WRN: variants seen among roughly 807,000 people sequenced by gnomAD.
WRN encodes the protein bifunctional 3'-5' exonuclease/ATP-dependent helicase WRN.
In WRN, 149 loss-of-function variants were observed where a neutral mutation model predicts 180.7. The observed-to-expected ratio is 0.82, with a 90% CI of 0.72 to 0.94. The LOEUF (loss-of-function observed/expected upper bound fraction) is 0.94. Ranked by LOEUF, WRN falls within the 40% of genes least tolerant of loss-of-function variation. The pLI is 0.00. For missense variants in WRN, 1,661 were observed against 1,700.1 expected (o/e 0.98, Z 0.40); for synonymous variants, 548 against 568.9 (o/e 0.96, Z 0.52).
intron 20 of WRN, among the ~76,000 whole-genome samples, chr8:31,117,421 A>G (rs887348959): frequency 6.6e-6 from 1 of 152,200 alleles, no homozygotes; most frequent in African/African-American, 2.4e-5. Context: ...GAGAAACTGA[A>G]GAAGGGAAAG....
chr8:31,128,913 A>G (rs1431531512), intron 23 of WRN, among the ~76,000 whole-genome samples: 1 of 152,130 alleles, frequency 6.6e-6, no homozygotes, highest in Non-Finnish European at 1.5e-5. Context: ...AAACAAAAAA[A>G]CTATGTATTA....
intron 34 of WRN, 67 bp from the exon 35 acceptor site, chr8:31,172,928 T>C: frequency 6.8e-7 from 1 of 1,464,208 alleles, no homozygotes; most frequent in Non-Finnish European, 9.5e-7. Flanking sequence ...TATGTTACTT[T>C]TTTGCAACTA....
intron 8 of WRN, among the ~76,000 whole-genome samples, chr8:31,076,822 T>C (rs991775327): frequency 2.6e-5 from 4 of 152,198 alleles, no homozygotes; most frequent in Non-Finnish European, 4.4e-5. Context: ...GATTCTTTTA[T>C]GGTTAAAGCA....
Position 31,141,738 on chromosome 8 carries a change from A to G in WRN, c.3196A>G (p.Asn1066Asp), listed in dbSNP as rs760392886. The G allele has an allele frequency of 1.2e-6, 2 of 1,614,134 alleles. No homozygotes were observed. The highest frequency in any genetic ancestry group is 1.7e-6 in the Non-Finnish European group (2 of 1,180,018). ...TESQSLILQANEELCPKKLLL... is the reference protein window; with the variant it reads ...TESQSLILQADEELCPKKLLL... Reference sequence around the variant, plus strand: ...ATCTCAGAGCCTCATCCTTCAAGCTAATGAAGAATTGTGTCCAAAGAAGTT... The same window carrying G: ...ATCTCAGAGCCTCATCCTTCAAGCTGATGAAGAATTGTGTCCAAAGAAGTT... The change falls in exon 26 of 35, where the codon AAT (asparagine) becomes GAT (aspartate). Residue 1066 changes from asparagine (N) to aspartate (D), a missense_variant. Around this residue, in one of 3 missense-constraint regions of WRN, gnomAD observed 1,141 missense variants for 1,149.4 expected, o/e 0.99. Transcript: ENST00000298139.
intron 33 of WRN, among the ~76,000 whole-genome samples, chr8:31,162,221 A>G (rs1252505868): frequency 6.6e-6 from 1 of 152,242 alleles, no homozygotes; most frequent in East Asian, 1.9e-4. Context: ...GTACAGCTAT[A>G]CAAATATATT....
chr8:31,059,013 A>G, intron 2 of WRN, 140 bp from the exon 3 acceptor site: 1 of 722,604 alleles, frequency 1.4e-6, no homozygotes, highest in Non-Finnish European at 2.4e-6. Flanking sequence ...AGTTTTCTTT[A>G]TGACTTCATT....
chr8:31,065,058 A>G lies in WRN; in HGVS notation c.499A>G (p.Lys167Glu), dbSNP rs749679346. The G allele has an allele frequency of 1.3e-5, 21 of 1,612,760 alleles. No individual in the cohort carries two copies. Among genetic ancestry groups the G allele is most frequent in the South Asian group, 3.3e-5 (3 of 90,922 alleles). ...NFVELTDVANKKLKCTETWSL... is the reference protein window; with the variant it reads ...NFVELTDVANEKLKCTETWSL... ...TGTGGAGTTGACAGATGTTGCCAAT[A>G]AAAAGGTAAAAGCAATATATATATA... The change falls in exon 5 of 35, where the codon AAA becomes GAA. Residue 167 changes from lysine (K) to glutamate (E), a missense_variant. Lys to Glu is a moderately conservative substitution (Grantham distance 56). This residue lies in a region of WRN where 500 missense variants were observed against 504.1 expected (regional missense o/e 0.99). Transcript: ENST00000298139.
At chr8:31,131,151 TGCAAC>T in intron 23 of WRN, among the ~76,000 whole-genome samples, 1 of 132,352 alleles carries the variant, frequency 7.6e-6, no homozygotes, top group Admixed American at 8.0e-5. Flanking sequence ...GGAACCAAAT[TGCAAC>T]TTTCTTTTTT....
At chr8:31,132,302 T>G in intron 23 of WRN, 63 bp from the exon 24 acceptor site, 1 of 1,567,882 alleles carries the variant, frequency 6.4e-7, no homozygotes, top group Non-Finnish European at 8.6e-7. Flanking sequence ...ATGCTAAATC[T>G]TTTGATTTCT....
chr8:31,052,725 C>CA (rs1812123054), intron 1 of WRN, among the ~76,000 whole-genome samples: 2 of 152,164 alleles, frequency 1.3e-5, no homozygotes, highest in South Asian at 4.2e-4. Flanking sequence ...ATTATAAGAA[C>CA]ATTATTTTTA....
chr8:31,058,274 A>T (rs1288405202), intron 1 of WRN, 98 bp from the exon 2 acceptor site: 3 of 592,334 alleles, frequency 5.1e-6, no homozygotes, highest in Non-Finnish European at 3.0e-6. Context: ...TTGTTTTGTG[A>T]TTCTAGCTCT....
At chr8:31,066,001 C>T (rs778444127) in intron 5 of WRN, among the ~76,000 whole-genome samples, 3 of 151,264 alleles carry the variant, frequency 2.0e-5, no homozygotes, top group Non-Finnish European at 2.9e-5. Flanking sequence ...GCCTCAGGCT[C>T]CTGAGTAGCT....
At chr8:31,172,648 C>T (rs1219260866) in intron 34 of WRN, among the ~76,000 whole-genome samples, 1 of 152,132 alleles carries the variant, frequency 6.6e-6, no homozygotes, top group African/African-American at 2.4e-5. Context: ...CATGTTCCTT[C>T]CTCAGAACAT....
chr8:31,159,818 G>A (rs190086962), intron 33 of WRN, among the ~76,000 whole-genome samples: 2 of 151,882 alleles, frequency 1.3e-5, no homozygotes, highest in East Asian at 1.9e-4. Flanking sequence ...GGTGGCATGC[G>A]CCTGTAATCC....
chr8:31,170,853 G>A (rs1313195452), intron 34 of WRN, among the ~76,000 whole-genome samples: 6 of 152,098 alleles, frequency 3.9e-5, no homozygotes, highest in South Asian at 2.1e-4. Context: ...GCATTTCCCC[G>A]CTTTTCCCAA....
intron 7 of WRN, among the ~76,000 whole-genome samples, chr8:31,070,153 T>TA (rs1812853197): frequency 6.6e-6 from 1 of 151,662 alleles, no homozygotes; most frequent in Non-Finnish European, 1.5e-5. Flanking sequence ...TGGTAATTTT[T>TA]AATGGCAAAA....
chr8:31,093,680 A>T (rs1317709239), intron 16 of WRN, among the ~76,000 whole-genome samples: 1 of 152,160 alleles, frequency 6.6e-6, no homozygotes, highest in Non-Finnish European at 1.5e-5. Context: ...ATAAGTTTTG[A>T]CACAGGTATG....
In WRN at chr8:31,087,792, A is replaced by G. The variant is rs764011979; in HGVS notation, c.1448A>G (p.Asn483Ser). The G allele has an allele frequency of 9.3e-6, 15 of 1,613,614 alleles. No homozygotes were observed. The Admixed American group carries it at 1.0e-4, about 11-fold the overall frequency. Residue 483 changes from asparagine to serine, a missense_variant, in exon 12 of 35, where the codon AAT (asparagine) becomes AGT (serine). Coordinates refer to ENST00000298139, the MANE Select transcript of WRN (RefSeq NM_000553.6). ...AACTTTCAGTCTTTAGAAAACCTCA[A>G]TAGTGGCACGGTAGAACCAACTCAT... ...MEMLKSLENL[N>S]SGTVEPTHSK...
intron 33 of WRN, among the ~76,000 whole-genome samples, chr8:31,159,088 C>G (rs1279186228): frequency 3.3e-5 from 5 of 151,920 alleles, no homozygotes; most frequent in African/African-American, 1.2e-4. Flanking sequence ...TGCTTGAGCT[C>G]AGGAGTTCAA....
Sources: allele counts gnomAD v4.1 joint callset (sites outside exome capture counted in the v4.1 genomes callset), GRCh38; gene constraint gnomAD v4.1.1; regional missense constraint gnomAD v4.1.1; transcripts MANE v1.5; gene names NCBI Gene and HGNC (gene_info 2026-07-23, HGNC 2026-07-21).